The following PRKN variants were observed in gnomAD, a reference collection of about 807,000 sequenced individuals.
The protein encoded by PRKN is parkin RBR E3 ubiquitin protein ligase, also known as E3 ubiquitin-protein ligase parkin.
A neutral mutation model predicts 59.5 loss-of-function variants in PRKN; 56 were observed. The ratio of observed to expected loss-of-function variants is 0.94; its 90% CI spans 0.76 to 1.18. PRKN has a LOEUF of 1.18. PRKN is among the 50% of genes most tolerant of loss of function. The probability of loss-of-function intolerance (pLI) is 0.00; values close to 1 mark genes in which losing one functional copy is unlikely to be tolerated. For synonymous variants in PRKN, 250 were observed against 222.1 expected (o/e 1.13, Z -1.12); for missense variants, 657 against 596.4 (o/e 1.10, Z -1.06).
intron 1 of PRKN, among the ~76,000 whole-genome samples, chr6:162,446,024 A>C (rs1029378672): frequency 6.6e-6 from 1 of 152,200 alleles, no homozygotes; most frequent in African/African-American, 2.4e-5. Context: ...CTCCAAATAA[A>C]GAAAATTCAT....
chr6:162,606,289 T>C (rs1489785697), intron 1 of PRKN, among the ~76,000 whole-genome samples: 2 of 152,324 alleles, frequency 1.3e-5, no homozygotes, highest in African/African-American at 2.4e-5. Context: ...CAAAATATTA[T>C]AGCTTAGCAC....
chr6:162,490,247 T>C (rs1792744708), intron 1 of PRKN, among the ~76,000 whole-genome samples: 1 of 152,228 alleles, frequency 6.6e-6, no homozygotes, highest in Non-Finnish European at 1.5e-5. Flanking sequence ...GGAAAAAGTG[T>C]GCTTTTTCTT....
Position 162,382,884 on chromosome 6 carries a change from G to A in PRKN, c.171+60426C>T, listed in dbSNP as rs1306202918. ...AATCCTTGGATGTCATTTCAACAAC[G>A]TTCACAGCATCTTCACCAGGAGCAC... is the stretch of plus-strand genomic sequence containing the variant. On this transcript the variant is annotated intron_variant, in intron 2 of 11. Coordinates refer to ENST00000366898, the MANE Select transcript of PRKN (RefSeq NM_004562.3). Among the ~76,000 whole-genome samples the A allele has an allele frequency of 3.3e-5, 5 of 152,150 alleles. 1 individual carries two copies. Among genetic ancestry groups the A allele is most frequent in the South Asian group, 2.1e-4 (1 of 4,830 alleles).
At chr6:162,694,772 C>G (rs1194331746) in intron 1 of PRKN, 2 of 152,162 alleles carry the variant, frequency 1.3e-5, no homozygotes, top group Non-Finnish European at 2.9e-5. Context: ...ACATATTCAA[C>G]AGTTAGAGTT....
At chr6:161,481,587 A>G (rs573369772) in intron 9 of PRKN, among the ~76,000 whole-genome samples, 7 of 152,306 alleles carry the variant, frequency 4.6e-5, no homozygotes, top group African/African-American at 1.7e-4. Context: ...CTGGCGACAG[A>G]GCAAGACTCC....
rs1785764208 is a variant in PRKN, at chr6:161,377,431, A to G, written c.1167+9363T>C. Reference sequence around the variant, plus strand: ...AGTGGCCGGGCTGGGGAGATTCCTTATGACACACTGAGGGATCCAAGCTTG... The same window carrying G: ...AGTGGCCGGGCTGGGGAGATTCCTTGTGACACACTGAGGGATCCAAGCTTG... On this transcript the variant is annotated intron_variant, in intron 10 of 11. Coordinates refer to ENST00000366898, the MANE Select transcript of PRKN (RefSeq NM_004562.3). This position sits in a 1 kb window ranked among gnomAD's most constrained non-coding sequence, Gnocchi z 4.2. 6.6e-6 allele frequency among the ~76,000 whole-genome samples: 1 copy of G among 152,220 alleles called. No homozygotes were observed. Among genetic ancestry groups the G allele is most frequent in the Non-Finnish European group, 1.5e-5 (1 of 68,032 alleles).
intron 7 of PRKN, among the ~76,000 whole-genome samples, chr6:161,748,578 A>G (rs1204934160): frequency 6.6e-6 from 1 of 152,136 alleles, no homozygotes; most frequent in Non-Finnish European, 1.5e-5. Flanking sequence ...GTCCATGGAA[A>G]TGGGGTTCCT....
chr6:162,400,241 A>C (rs1056458400), intron 2 of PRKN, among the ~76,000 whole-genome samples: 2 of 151,908 alleles, frequency 1.3e-5, no homozygotes, highest in African/African-American at 2.4e-5. Flanking sequence ...CAAAAAAAAA[A>C]AACAAAGAAG....
At chr6:162,138,169 T>C (rs886194952) in intron 4 of PRKN, among the ~76,000 whole-genome samples, 2 of 152,186 alleles carry the variant, frequency 1.3e-5, no homozygotes, top group African/African-American at 2.4e-5. Context: ...CTTGAATCTC[T>C]GGCTGAATAT....
intron 3 of PRKN, among the ~76,000 whole-genome samples, chr6:162,249,241 G>T (rs923493317): frequency 2.0e-5 from 3 of 152,182 alleles, no homozygotes; most frequent in African/African-American, 7.2e-5. Context: ...AAGGCAGAAA[G>T]AAATACTTTT....
chr6:162,248,255 C>A (rs79053820), intron 3 of PRKN, among the ~76,000 whole-genome samples: 18,782 of 152,138 alleles, frequency 0.12, 1,756 homozygotes, highest in East Asian at 0.49. Context: ...CAAGGAGAGT[C>A]ATCAGAGCCC....
chr6:161,416,981 A>G (rs1787881103), intron 9 of PRKN, among the ~76,000 whole-genome samples: 1 of 152,172 alleles, frequency 6.6e-6, no homozygotes, highest in Non-Finnish European at 1.5e-5. Flanking sequence ...GAAAGAAGAA[A>G]GGAAGATGGA....
chr6:161,514,657 G>A (rs142673235), intron 9 of PRKN, among the ~76,000 whole-genome samples: 121 of 152,196 alleles, frequency 8.0e-4, no homozygotes, highest in African/African-American at 2.8e-3. Context: ...CGTTTGTCCT[G>A]ATGATTAGAG....
At chr6:161,535,185 T>C (rs1364399258) in intron 9 of PRKN, among the ~76,000 whole-genome samples, 14 of 152,242 alleles carry the variant, frequency 9.2e-5, no homozygotes. Context: ...TCTATTTATC[T>C]GCACAACTTC....
intron 9 of PRKN, among the ~76,000 whole-genome samples, chr6:161,452,525 T>G (rs1789782877): frequency 6.6e-6 from 1 of 152,216 alleles, no homozygotes; most frequent in Admixed American, 6.5e-5. Context: ...TATAAATTCC[T>G]TAATACAAAA....
chr6:161,371,792 C>T lies in PRKN; in HGVS notation c.1168-11587G>A, dbSNP rs1379287346. Among the ~76,000 whole-genome samples the T allele has an allele frequency of 6.6e-6, 1 of 152,142 alleles. No homozygotes were observed. The highest frequency in any genetic ancestry group is 1.5e-5 in the Non-Finnish European group (1 of 68,032). ...TAGCTGGGATTACAGGCATGCACCA[C>T]CCCACCTCGCTAATTTTTGTATTTT... On this transcript the variant is annotated intron_variant, in intron 10 of 11. Coordinates refer to ENST00000366898, the MANE Select transcript of PRKN (RefSeq NM_004562.3). This position sits in a 1 kb window ranked among gnomAD's most constrained non-coding sequence, Gnocchi z 5.5.
At chr6:161,805,230 C>G (rs988419403) in intron 6 of PRKN, among the ~76,000 whole-genome samples, 6 of 152,114 alleles carry the variant, frequency 3.9e-5, no homozygotes, top group African/African-American at 7.2e-5. Context: ...CAATAAATCC[C>G]CTCTGTCGCC....
rs1244281846 is a variant in PRKN, at chr6:161,874,171, AAT to A, written c.735-88265_735-88264del. On this transcript the variant is annotated intron_variant, in intron 6 of 11. Transcript: ENST00000366898. The stretch of plus-strand genomic sequence containing the variant: ...ATAATATATATTATATATAATATAT[AAT>A]ATATATTATATATAATATATAATAT... Among the ~76,000 whole-genome samples, 11 of 56,650 alleles carry A rather than the reference AAT, an allele frequency of 1.9e-4. 1 individual carries two copies. The highest frequency in any genetic ancestry group is 9.9e-4 in the African/African-American group (11 of 11,096). 37.2% of individuals were successfully genotyped at this position (56,650 alleles called of 152,430 possible). A position where few individuals can be genotyped will look rare whatever the true frequency, so the allele number is the denominator to read the frequency against.
chr6:162,677,715 C>A (rs1779608880), intron 1 of PRKN, among the ~76,000 whole-genome samples: 1 of 152,112 alleles, frequency 6.6e-6, no homozygotes, highest in Admixed American at 6.5e-5. Context: ...TTGTATAATA[C>A]CTGCATCAAC....
Sources: allele counts gnomAD v4.1 joint callset (sites outside exome capture counted in the v4.1 genomes callset), GRCh38; gene constraint gnomAD v4.1.1; non-coding constraint Gnocchi (gnomAD v3.1); transcripts MANE v1.5; gene names NCBI Gene and HGNC (gene_info 2026-07-23, HGNC 2026-07-21).